PPP2R2C: variants seen among roughly 807,000 people sequenced by gnomAD.
PPP2R2C encodes protein phosphatase 2 regulatory subunit Bgamma, also known as protein phosphatase 2, regulatory subunit B, gamma.
PPP2R2C carries 10 observed loss-of-function variants against 45.3 expected under a neutral mutation model. The observed-to-expected ratio is 0.22, with a 90% CI of 0.14 to 0.37. PPP2R2C has a LOEUF of 0.37. Among genes scored for constraint, PPP2R2C ranks in the 10% least tolerant of loss-of-function variants. The pLI is 1.00. For missense variants in PPP2R2C, 308 were observed against 619.7 expected (o/e 0.50, Z 5.34); for synonymous variants, 257 against 245.4 (o/e 1.05, Z -0.44).
intron 1 of PPP2R2C, among the ~76,000 whole-genome samples, chr4:6,463,834 G>A (rs1225176947): frequency 6.6e-6 from 1 of 152,222 alleles, no homozygotes; most frequent in African/African-American, 2.4e-5. Context: ...GCCGTGAAGG[G>A]GGTCTCTCCT....
Position 6,351,202 on chromosome 4 carries a change from T to C in PPP2R2C, c.626-3192A>G, listed in dbSNP as rs111235497. On this transcript the variant is annotated intron_variant, in intron 5 of 8. Coordinates refer to ENST00000382599, the MANE Select transcript of PPP2R2C (RefSeq NM_020416.4). ...GGTGGCACATGCCTGAAATCCCAGC[T>C]ACTTGGGAGGCTGAGGCAGGAGAAT... 4.3e-4 allele frequency: 204 copies of C among 470,792 alleles called. 2 individuals carry two copies. The highest frequency in any genetic ancestry group is 4.0e-3 in the African/African-American group (190 of 47,132). 29.2% of individuals were successfully genotyped at this position (470,792 alleles called of 1,614,324 possible). A position where few individuals can be genotyped will look rare whatever the true frequency, so the allele number is the denominator to read the frequency against.
At chr4:6,537,841 C>T (rs922341784) in intron 1 of PPP2R2C, among the ~76,000 whole-genome samples, 4 of 152,106 alleles carry the variant, frequency 2.6e-5, no homozygotes, top group Admixed American at 6.5e-5. Context: ...TGAGCCACCA[C>T]GCCCGGCCAA....
In PPP2R2C at chr4:6,349,885, G is replaced by A. The variant is rs1459042719; in HGVS notation, c.626-1875C>T. 4 of 984,048 alleles carry A rather than the reference G, an allele frequency of 4.1e-6. No individual in the cohort carries two copies. The African/African-American group carries it at 7.0e-5, about 17-fold the overall frequency. The allele number at this position is 984,048 out of a possible 1,614,324, so 61.0% of individuals were successfully genotyped here. A position where few individuals can be genotyped will look rare whatever the true frequency, so the allele number is the denominator to read the frequency against. ...CAGCCTGGTGACAGGGCAAGACTCTGTCAAAAAAAAAGCAAGCAAGCAGTA... is the reference window on the plus strand; with the variant it reads ...CAGCCTGGTGACAGGGCAAGACTCTATCAAAAAAAAAGCAAGCAAGCAGTA... On this transcript the variant is annotated intron_variant, in intron 5 of 8. Transcript: ENST00000382599.
intron 1 of PPP2R2C, among the ~76,000 whole-genome samples, chr4:6,435,989 T>G (rs1719874540): frequency 6.6e-6 from 1 of 152,192 alleles, no homozygotes; most frequent in African/African-American, 2.4e-5. Context: ...CTTTCAGAAC[T>G]GATTAGGTCT....
chr4:6,400,671 A>G (rs1192389567), intron 1 of PPP2R2C, among the ~76,000 whole-genome samples: 2 of 152,254 alleles, frequency 1.3e-5, no homozygotes, highest in Non-Finnish European at 2.9e-5. Flanking sequence ...TATTGATGTA[A>G]GCAACATTCC....
chr4:6,535,762 C>G (rs567024189), intron 1 of PPP2R2C, among the ~76,000 whole-genome samples: 3 of 152,186 alleles, frequency 2.0e-5, no homozygotes, highest in Non-Finnish European at 4.4e-5. Flanking sequence ...AAACATGGAA[C>G]TAGAAGCCCC....
At chr4:6,367,697 T>C (rs1368886899) in intron 5 of PPP2R2C, among the ~76,000 whole-genome samples, 1 of 152,188 alleles carries the variant, frequency 6.6e-6, no homozygotes, top group East Asian at 1.9e-4. Context: ...ACACTTTCTC[T>C]GCCAAGTAAG....
chr4:6,333,814 T>C, intron 6 of PPP2R2C, 83 bp from the exon 7 acceptor site: 1 of 1,442,118 alleles, frequency 6.9e-7, no homozygotes, highest in Non-Finnish European at 9.6e-7. Flanking sequence ...GTTTTGCACC[T>C]GGGCCCATGC....
At chr4:6,337,936 T>C (rs1387973691) in intron 6 of PPP2R2C, among the ~76,000 whole-genome samples, 1 of 152,070 alleles carries the variant, frequency 6.6e-6, no homozygotes, top group African/African-American at 2.4e-5. Flanking sequence ...TTTTAGACGT[T>C]TCTATGAAAT....
chr4:6,393,589 A>G (rs919464137), intron 1 of PPP2R2C, among the ~76,000 whole-genome samples: 8 of 152,180 alleles, frequency 5.3e-5, no homozygotes, highest in Non-Finnish European at 1.2e-4. Flanking sequence ...CCGTGTCTGC[A>G]CCCAGCTCTG....
chr4:6,535,865 T>A (rs574542745), intron 1 of PPP2R2C, among the ~76,000 whole-genome samples: 6 of 152,334 alleles, frequency 3.9e-5, no homozygotes, highest in African/African-American at 1.4e-4. Flanking sequence ...ACATGGCCAC[T>A]GAGGTCCCAC....
At chr4:6,407,582 G>A (rs1435281001) in intron 1 of PPP2R2C, among the ~76,000 whole-genome samples, 1 of 152,108 alleles carries the variant, frequency 6.6e-6, no homozygotes, top group Admixed American at 6.6e-5. Flanking sequence ...TGTATTTTTA[G>A]TAGAGACGGG....
chr4:6,329,247 G>C lies in PPP2R2C; in HGVS notation c.1052+15C>G, dbSNP rs775224099. 3.1e-6 allele frequency: 5 copies of C among 1,611,038 alleles called. No homozygotes were observed. Among genetic ancestry groups the C allele is most frequent in the African/African-American group, 1.3e-5 (1 of 74,872 alleles). On this transcript the variant is annotated intron_variant, in intron 8 of 8. Coordinates refer to ENST00000382599, the MANE Select transcript of PPP2R2C (RefSeq NM_020416.4). This position sits in a 1 kb window ranked among gnomAD's most constrained non-coding sequence, Gnocchi z 5.8. The stretch of plus-strand genomic sequence containing the variant: ...CCTACGGTGAGGTGAGGTGCGGGCT[G>C]AGGTCAGGGCTTACCTGTCGCTCCC...
At chr4:6,446,888 A>AC (rs1236185969) in intron 1 of PPP2R2C, among the ~76,000 whole-genome samples, 6 of 151,886 alleles carry the variant, frequency 4.0e-5, no homozygotes, top group South Asian at 2.1e-4. Context: ...GTAAAAAAAA[A>AC]AAAACAAAAC....
At chr4:6,548,652 C>G (rs1190645615) in intron 1 of PPP2R2C, among the ~76,000 whole-genome samples, 1 of 152,228 alleles carries the variant, frequency 6.6e-6, no homozygotes, top group East Asian at 1.9e-4. Context: ...AGCCAACCGA[C>G]AGCAAGCTCC....
intron 5 of PPP2R2C, among the ~76,000 whole-genome samples, chr4:6,365,656 A>G (rs540418660): frequency 6.6e-6 from 1 of 152,192 alleles, no homozygotes; most frequent in South Asian, 2.1e-4. Context: ...TGCACAGAAG[A>G]CAAGCTGAGT....
chr4:6,321,123 A>G lies in PPP2R2C; in HGVS notation c.*2179T>C, dbSNP rs1169563923. On this transcript the variant is annotated 3_prime_UTR_variant, in exon 9 of 9. Transcript: ENST00000382599. ...TTAAAACAGAAGTAAGGAACTAGGA[A>G]CTGTATTAAGACCTCCTTTTGAAGG... 2.6e-5 allele frequency: 4 copies of G among 152,214 alleles called. No individual in the cohort carries two copies. Among genetic ancestry groups the G allele is most frequent in the Admixed American group, 6.5e-5 (1 of 15,280 alleles). The allele number at this position is 152,214 out of a possible 1,614,324, so 9.4% of individuals were successfully genotyped here.
intron 1 of PPP2R2C, among the ~76,000 whole-genome samples, chr4:6,560,420 G>A (rs1185048952): frequency 6.6e-6 from 1 of 152,226 alleles, no homozygotes. Flanking sequence ...AGTGACCAAG[G>A]ACAAGCCTTG....
chr4:6,347,404 C>T (rs62285890), intron 6 of PPP2R2C, among the ~76,000 whole-genome samples: 15,912 of 152,124 alleles, frequency 0.1, 1,091 homozygotes, highest in Non-Finnish European at 0.15. Flanking sequence ...ACAGACCCTG[C>T]TCCAAGGAGC....
Sources: gnomAD v4.1 joint callset for allele counts (sites outside exome capture counted in the v4.1 genomes callset) on GRCh38, gnomAD v4.1.1 for gene constraint, Gnocchi (gnomAD v3.1) non-coding constraint, MANE v1.5 for transcripts, NCBI Gene and HGNC (gene_info 2026-07-23, HGNC 2026-07-21) for gene names.